The following CDH23 variants were observed in gnomAD, a reference collection of about 807,000 sequenced individuals.
CDH23 encodes the protein cadherin-23.
In CDH23, 189 loss-of-function variants were observed where a neutral mutation model predicts 317.1. That is an observed-to-expected ratio of 0.60 (90% CI 0.53 to 0.67). The LOEUF (loss-of-function observed/expected upper bound fraction) is 0.67. Among genes scored for constraint, CDH23 ranks in the 30% least tolerant of loss-of-function variants. The probability of loss-of-function intolerance (pLI) is 0.00; values close to 1 mark genes in which losing one functional copy is unlikely to be tolerated. For missense variants in CDH23, 4,401 were observed against 4,592.4 expected, an observed-to-expected ratio of 0.96 and a Z score of 1.20; for synonymous variants, 1,839 against 1,876.8, an observed-to-expected ratio of 0.98 and a Z score of 0.52.
intron 28 of CDH23, 36 bp from the exon 29 acceptor site, chr10:71,724,009 C>T: frequency 6.4e-7 from 1 of 1,550,912 alleles, no homozygotes; most frequent in Non-Finnish European, 8.7e-7. Flanking sequence ...TGCTGGGTGG[C>T]ATTCAAGAAG....
rs2305210 is a variant in CDH23, at chr10:71,646,842, G to A, written c.1449+225G>A. The A allele has an allele frequency of 0.27, 391,100 of 1,468,146 alleles. 53,992 individuals are homozygous for A. Among genetic ancestry groups the A allele is most frequent in the African/African-American group, 0.42 (29,398 of 70,462 alleles). 90.9% of individuals were successfully genotyped at this position (1,468,146 alleles called of 1,614,324 possible). ...AAAAGGAGCCAACCTGAGGGGTGAC[G>A]AGACTGAGCTGAGGACACTGGTTTT... On this transcript the variant is annotated intron_variant, in intron 14 of 69. Coordinates refer to ENST00000224721, the MANE Select transcript of CDH23 (RefSeq NM_022124.6).
intron 17 of CDH23, among the ~76,000 whole-genome samples, chr10:71,679,846 T>A (rs997863179): frequency 4.6e-5 from 7 of 152,214 alleles, no homozygotes; most frequent in Admixed American, 1.3e-4. Flanking sequence ...GACTCCCTAC[T>A]TTTTGGGCGG....
intron 11 of CDH23, among the ~76,000 whole-genome samples, chr10:71,626,308 C>T (rs541609465): frequency 3.9e-5 from 6 of 152,292 alleles, no homozygotes; most frequent in Non-Finnish European, 5.9e-5. Context: ...CCTAGCTCCC[C>T]ACTCGGGCCT....
At chr10:71,477,637 G>A (rs562066828) in intron 3 of CDH23, among the ~76,000 whole-genome samples, 2 of 152,286 alleles carry the variant, frequency 1.3e-5, no homozygotes, top group South Asian at 2.1e-4. Context: ...AGCACTGAAC[G>A]AGCATGCCCT....
Position 71,813,304 on chromosome 10 carries a change from C to A in CDH23, c.9694C>A (p.Arg3232=), listed in dbSNP as rs1434063011. The A allele has an allele frequency of 6.4e-7, 1 of 1,551,490 alleles. No homozygotes were observed. The highest frequency in any genetic ancestry group is 1.4e-5 in the African/African-American group (1 of 73,032). Residue 3232 remains arginine (R), a synonymous_variant, in exon 69 of 70, where the codon CGG becomes AGG. Transcript: ENST00000224721. ...YLRLKKLFAQ[R]MVQKASSCHS... ...GCGGCTCAAAAAGCTCTTTGCACAG[C>A]GGATGGTGCAAAAAGCCTCCTCCTG...
At chr10:71,708,106 T>C (rs1176597640) in intron 26 of CDH23, among the ~76,000 whole-genome samples, 1 of 152,190 alleles carries the variant, frequency 6.6e-6, no homozygotes, top group African/African-American at 2.4e-5. Context: ...ATTTACGTCC[T>C]AGTTCTGCCC....
At chr10:71,720,950 G>A (rs1411309998) in intron 28 of CDH23, among the ~76,000 whole-genome samples, 2 of 152,208 alleles carry the variant, frequency 1.3e-5, no homozygotes, top group Admixed American at 6.5e-5. Flanking sequence ...CCGGCCCAAA[G>A]GTGTTTTCAA....
At chr10:71,473,885 G>C (rs1253844586) in intron 3 of CDH23, among the ~76,000 whole-genome samples, 1 of 152,182 alleles carries the variant, frequency 6.6e-6, no homozygotes, top group Non-Finnish European at 1.5e-5. Flanking sequence ...CAGGCCCCCT[G>C]GCTCCTCCAC....
In CDH23 at chr10:71,785,778, AG is replaced by A. The variant is rs764189428; in HGVS notation, c.5820+41del. On this transcript the variant is annotated intron_variant, in intron 44 of 69. Coordinates refer to ENST00000224721, the MANE Select transcript of CDH23 (RefSeq NM_022124.6). ...CACTGGTGGGAGTGGGCTGGGAGCT[AG>A]AGGCGCATGGAGAGAGAACACATCA... is the stretch of plus-strand genomic sequence containing the variant. 3.2e-6 allele frequency: 4 copies of A among 1,257,022 alleles called. No homozygotes were observed. In the African/African-American group the frequency reaches 5.9e-5, roughly 19 times the overall value. 77.9% of individuals were successfully genotyped at this position (1,257,022 alleles called of 1,614,324 possible). A position where few individuals can be genotyped will look rare whatever the true frequency, so the allele number is the denominator to read the frequency against.
At chr10:71,545,789 G>A (rs1424618032) in intron 6 of CDH23, among the ~76,000 whole-genome samples, 4 of 152,146 alleles carry the variant, frequency 2.6e-5, no homozygotes, top group Admixed American at 2.0e-4. Context: ...GGCCAGGGAG[G>A]GCCTCTCTGA....
At chr10:71,423,687 G>C (rs915237499) in intron 1 of CDH23, among the ~76,000 whole-genome samples, 1 of 152,240 alleles carries the variant, frequency 6.6e-6, no homozygotes, top group African/African-American at 2.4e-5. Flanking sequence ...AGTCATACTG[G>C]GGCCTCAGCA....
At chr10:71,431,793 G>A (rs1277238736) in intron 1 of CDH23, among the ~76,000 whole-genome samples, 10 of 152,100 alleles carry the variant, frequency 6.6e-5, no homozygotes, top group East Asian at 5.8e-4. Flanking sequence ...GCCAGGAGGC[G>A]TTGCCTGTTG....
chr10:71,592,479 G>C (rs1859559200), intron 9 of CDH23, among the ~76,000 whole-genome samples: 1 of 152,192 alleles, frequency 6.6e-6, no homozygotes, highest in African/African-American at 2.4e-5. Flanking sequence ...AACTCCAGGA[G>C]ATAATCCCAT....
At chr10:71,615,051 A>T (rs898562373) in intron 9 of CDH23, among the ~76,000 whole-genome samples, 4 of 152,220 alleles carry the variant, frequency 2.6e-5, no homozygotes, top group Non-Finnish European at 4.4e-5. Context: ...AATATACTAG[A>T]CTAGACTAGA....
chr10:71,510,633 C>T (rs527853347), intron 4 of CDH23, among the ~76,000 whole-genome samples: 1 of 152,272 alleles, frequency 6.6e-6, no homozygotes, highest in South Asian at 2.1e-4. Context: ...CCCTTACCCT[C>T]TCCTTGAGTT....
intron 11 of CDH23, among the ~76,000 whole-genome samples, chr10:71,624,388 G>A (rs186650590): frequency 1.5e-4 from 23 of 152,308 alleles, no homozygotes; most frequent in African/African-American, 5.3e-4. Flanking sequence ...CTTGGTTTTC[G>A]TACTTTTGAT....
intron 38 of CDH23, among the ~76,000 whole-genome samples, chr10:71,746,735 C>T (rs1040641028): frequency 5.3e-5 from 8 of 152,176 alleles, no homozygotes; most frequent in African/African-American, 1.4e-4. Flanking sequence ...CTCCCTGCCA[C>T]GTGAATTGCA....
At chr10:71,808,574 T>C (rs1841814976) in intron 60 of CDH23, among the ~76,000 whole-genome samples, 1 of 152,344 alleles carries the variant, frequency 6.6e-6, no homozygotes, top group African/African-American at 2.4e-5. Context: ...CACTGACCTG[T>C]GTGGATGGCT....
intron 9 of CDH23, among the ~76,000 whole-genome samples, chr10:71,598,847 A>G (rs1303434014): frequency 2.0e-5 from 3 of 152,254 alleles, no homozygotes; most frequent in African/African-American, 7.2e-5. Context: ...ATCCCTCCCT[A>G]TCTGGCTGGG....
Sources: gnomAD v4.1 joint callset for allele counts (sites outside exome capture counted in the v4.1 genomes callset) on GRCh38, gnomAD v4.1.1 for gene constraint, MANE v1.5 for transcripts, NCBI Gene and HGNC (gene_info 2026-07-23, HGNC 2026-07-21) for gene names.